CERS6: variants seen among roughly 807,000 people sequenced by gnomAD.
CERS6 encodes LAG1 homolog, ceramide synthase 6.
CERS6 carries 26 observed loss-of-function variants against 56.8 expected under a neutral mutation model. The observed-to-expected ratio is 0.46, with a 90% confidence interval of 0.34 to 0.63. The LOEUF is 0.63. Among genes scored for constraint, CERS6 ranks in the 30% least tolerant of loss-of-function variants. The pLI, the probability that CERS6 is intolerant of heterozygous loss-of-function variation, is 0.01. For synonymous variants in CERS6, 164 were observed against 173.3 expected, an observed-to-expected ratio of 0.95 and a Z score of 0.42; for missense variants, 415 against 467.5, an observed-to-expected ratio of 0.89 and a Z score of 1.04.
intron 4 of CERS6, among the ~76,000 whole-genome samples, chr2:168,645,156 G>T (rs868745260): frequency 1.2e-3 from 118 of 98,460 alleles, no homozygotes; most frequent in African/African-American, 2.7e-3. Flanking sequence ...GAGAGAGAGA[G>T]AGAGAGAGAG....
chr2:168,742,255 C>T (rs1013384778), intron 8 of CERS6, among the ~76,000 whole-genome samples: 1 of 151,980 alleles, frequency 6.6e-6, no homozygotes, highest in Admixed American at 6.5e-5. Flanking sequence ...ATTCTTTTTT[C>T]TGTTGCATGT....
intron 1 of CERS6, among the ~76,000 whole-genome samples, chr2:168,459,613 G>A (rs1161603037): frequency 6.6e-6 from 1 of 151,406 alleles, no homozygotes; most frequent in East Asian, 1.9e-4. Context: ...CCAATTGATT[G>A]ACAGAGTAAA....
intron 2 of CERS6, among the ~76,000 whole-genome samples, chr2:168,549,631 C>T (rs936959777): frequency 2.6e-5 from 4 of 152,142 alleles, no homozygotes; most frequent in African/African-American, 9.7e-5. Flanking sequence ...AAGACTCTGT[C>T]TCAAAACAAA....
chr2:168,667,396 C>A (rs1203610911), intron 4 of CERS6, among the ~76,000 whole-genome samples: 1 of 152,184 alleles, frequency 6.6e-6, no homozygotes, highest in Non-Finnish European at 1.5e-5. Context: ...CAAGCCCAGC[C>A]CTGCCTCTTG....
At chr2:168,558,152 G>A (rs917263434) in intron 2 of CERS6, among the ~76,000 whole-genome samples, 13 of 152,140 alleles carry the variant, frequency 8.5e-5, no homozygotes, top group African/African-American at 2.7e-4. Context: ...GAAAATGGGC[G>A]CTCTTGCTTG....
intron 4 of CERS6, among the ~76,000 whole-genome samples, chr2:168,685,227 G>A (rs1225303442): frequency 1.3e-5 from 2 of 152,152 alleles, no homozygotes; most frequent in Non-Finnish European, 2.9e-5. Flanking sequence ...TTACATCTTT[G>A]ATGAGGCAAC....
intron 8 of CERS6, among the ~76,000 whole-genome samples, chr2:168,731,990 G>A (rs985095038): frequency 6.6e-5 from 10 of 152,192 alleles, no homozygotes; most frequent in South Asian, 2.1e-4. Context: ...ACAATATATC[G>A]GAGAAATAAG....
intron 4 of CERS6, among the ~76,000 whole-genome samples, chr2:168,679,655 C>T (rs1033136721): frequency 1.3e-5 from 2 of 152,178 alleles, no homozygotes; most frequent in African/African-American, 4.8e-5. Flanking sequence ...CTCGCTCACA[C>T]ACAGATAGGA....
intron 3 of CERS6, among the ~76,000 whole-genome samples, chr2:168,580,177 G>A (rs1430522587): frequency 6.6e-6 from 1 of 151,612 alleles, no homozygotes; most frequent in Non-Finnish European, 1.5e-5. Flanking sequence ...TATTCAGTCC[G>A]GACACATTTG....
intron 4 of CERS6, among the ~76,000 whole-genome samples, chr2:168,674,689 T>C (rs1686009443): frequency 6.6e-6 from 1 of 152,182 alleles, no homozygotes; most frequent in Non-Finnish European, 1.5e-5. Context: ...GAGAAGTTCA[T>C]TTCTGCCTCG....
chr2:168,490,925 G>C (rs1322396663), intron 1 of CERS6, among the ~76,000 whole-genome samples: 1 of 152,174 alleles, frequency 6.6e-6, no homozygotes, highest in Non-Finnish European at 1.5e-5. Context: ...TTGACATCGG[G>C]CTAACTTAAA....
chr2:168,718,317 T>C (rs373666026), intron 8 of CERS6, among the ~76,000 whole-genome samples: 2 of 152,304 alleles, frequency 1.3e-5, no homozygotes, highest in African/African-American at 4.8e-5. Context: ...AACAAGTATA[T>C]GACAGGAATC....
At chr2:168,516,376 ATAT>A (rs1694884459) in intron 1 of CERS6, among the ~76,000 whole-genome samples, 1 of 152,138 alleles carries the variant, frequency 6.6e-6, no homozygotes, top group Non-Finnish European at 1.5e-5. Context: ...ATAAATAATA[ATAT>A]TGTTATTTGA....
chr2:168,659,089 C>G (rs1373715061), intron 4 of CERS6, among the ~76,000 whole-genome samples: 1 of 152,228 alleles, frequency 6.6e-6, no homozygotes, highest in Non-Finnish European at 1.5e-5. Flanking sequence ...GCAAATTGCT[C>G]TGCTTTTATT....
rs914724512 is a variant in CERS6, at chr2:168,716,026, A to G, written c.738+897A>G. On this transcript the variant is annotated intron_variant, in intron 7 of 9. Transcript: ENST00000305747. ...GAATGTAGACTAGACATGCCCTCAA[A>G]TAATGACCTGTTATTGCAATATAAG... Among the ~76,000 whole-genome samples the G allele has an allele frequency of 3.9e-5, 6 of 152,090 alleles. No homozygotes were observed. In the South Asian group the frequency reaches 1.0e-3, roughly 26 times the overall value.
At chr2:168,588,550 G>A (rs750790758) in intron 3 of CERS6, among the ~76,000 whole-genome samples, 9 of 152,094 alleles carry the variant, frequency 5.9e-5, no homozygotes, top group Non-Finnish European at 1.2e-4. Context: ...TTAGCATAAT[G>A]TCCTCAAGGT....
At chr2:168,634,843 T>A (rs114027351) in intron 4 of CERS6, among the ~76,000 whole-genome samples, 1 of 152,170 alleles carries the variant, frequency 6.6e-6, no homozygotes, top group African/African-American at 2.4e-5. Context: ...ACCCCAGAAG[T>A]TAATTTTAGG....
At chr2:168,584,422 G>A (rs912281074) in intron 3 of CERS6, among the ~76,000 whole-genome samples, 1 of 152,098 alleles carries the variant, frequency 6.6e-6, no homozygotes, top group Admixed American at 6.6e-5. Flanking sequence ...TAATATGTGT[G>A]AGAGAGAGAA....
At chr2:168,747,549 T>C (rs924572645) in intron 8 of CERS6, among the ~76,000 whole-genome samples, 4 of 152,196 alleles carry the variant, frequency 2.6e-5, no homozygotes, top group African/African-American at 9.6e-5. Flanking sequence ...TTTTAAGATA[T>C]TCTGGATATA....
Sources: allele counts gnomAD v4.1 joint callset (sites outside exome capture counted in the v4.1 genomes callset), GRCh38; gene constraint gnomAD v4.1.1; transcripts MANE v1.5; gene names NCBI Gene and HGNC (gene_info 2026-07-23, HGNC 2026-07-21).